Variants in SPON1 observed in about 807,000 individuals in gnomAD.
SPON1 encodes the protein spondin 1, also known as spondin-1.
SPON1 carries 52 observed loss-of-function variants against 111.7 expected under a neutral mutation model. The ratio of observed to expected loss-of-function variants is 0.47; its 90% CI spans 0.37 to 0.59. SPON1 has a LOEUF of 0.59. Ranked by LOEUF, SPON1 falls within the 20% of genes least tolerant of loss-of-function variation. The pLI is 0.00. For missense variants in SPON1, 957 were observed against 1,068.5 expected, an observed-to-expected ratio of 0.90 and a Z score of 1.46; for synonymous variants, 410 against 395.8, an observed-to-expected ratio of 1.04 and a Z score of -0.43.
rs147289598 is a variant in SPON1 at position 13,970,016 on chromosome 11, A to G, written c.238+6874A>G. Among the ~76,000 whole-genome samples, 318 of 152,354 alleles carry G rather than the reference A, an allele frequency of 2.1e-3. 1 individual carries two copies. Among genetic ancestry groups the G allele is most frequent in the South Asian group, 7.0e-3 (34 of 4,828 alleles). The stretch of plus-strand genomic sequence containing the variant: ...CATTGAATGGAGTAGCAAGTGGCCC[A>G]AATCATTTAAAGCATTACATTCTCT... On this transcript the variant is annotated intron_variant, in intron 1 of 15. Coordinates refer to ENST00000576479, the MANE Select transcript of SPON1 (RefSeq NM_006108.4).
Position 14,118,232 on chromosome 11 carries a change from T to A in SPON1, c.677-17188T>A, listed in dbSNP as rs556564534. Among the ~76,000 whole-genome samples the A allele has an allele frequency of 4.6e-5, 7 of 152,358 alleles. No homozygotes were observed. The East Asian group carries it at 1.2e-3, about 25-fold the overall frequency. On this transcript the variant is annotated intron_variant, in intron 5 of 15. Coordinates refer to ENST00000576479, the MANE Select transcript of SPON1 (RefSeq NM_006108.4). ...CATTGCTAGAATTTATCATCTGTAGTGCTACAGTTCCTTCCCTGGGGCTTC... is the reference window on the plus strand; with the variant it reads ...CATTGCTAGAATTTATCATCTGTAGAGCTACAGTTCCTTCCCTGGGGCTTC...
chr11:14,070,782 C>G (rs1554920820), intron 3 of SPON1, among the ~76,000 whole-genome samples: 1 of 152,130 alleles, frequency 6.6e-6, no homozygotes, highest in East Asian at 1.9e-4. Flanking sequence ...CCCCAACAGG[C>G]AGATTCCCTC....
chr11:14,082,798 C>T (rs1848973956), intron 5 of SPON1, among the ~76,000 whole-genome samples: 1 of 152,216 alleles, frequency 6.6e-6, no homozygotes, highest in Non-Finnish European at 1.5e-5. Context: ...AAAGATGATA[C>T]TGTCTTGATA....
rs782102981 is a variant in SPON1, at chr11:14,259,380, C to T, written c.1593C>T (p.Phe531=). The T allele has an allele frequency of 1.2e-6, 2 of 1,612,032 alleles. No individual in the cohort carries two copies. The highest frequency in any genetic ancestry group is 1.7e-6 in the Non-Finnish European group (2 of 1,179,324). The change falls in exon 12 of 16, where the codon TTC becomes TTT. Residue 531 remains phenylalanine, a synonymous_variant. Transcript: ENST00000576479. This position sits in a 1 kb window ranked among gnomAD's most constrained non-coding sequence, Gnocchi z 5.0. ...MRSRERYVKQ[F]PEDGSVCTLP... is the part of the protein sequence containing the mutation. ...CCCGGGAGAGGTATGTGAAGCAGTT[C>T]CCGGAGGACGGCTCCGTGTGCACGC...
At chr11:14,251,422 AT>A (rs534243417) in intron 7 of SPON1, among the ~76,000 whole-genome samples, 87 of 152,310 alleles carry the variant, frequency 5.7e-4, no homozygotes, top group Middle Eastern at 3.4e-3. Flanking sequence ...ACTGAGAATG[AT>A]TTCCACAAGG....
rs1333590159 is a variant in SPON1, at chr11:14,135,307, C to A, written c.677-113C>A. 3.3e-5 allele frequency: 40 copies of A among 1,209,750 alleles called. No individual in the cohort carries two copies. Among genetic ancestry groups the A allele is most frequent in the Non-Finnish European group, 4.1e-5 (35 of 855,914 alleles). 74.9% of individuals were successfully genotyped at this position (1,209,750 alleles called of 1,614,324 possible). Reference sequence around the variant, plus strand: ...CACAGGGCCTAAGACAGAATAGGTGCTTAGTCAGTGCTCTTTGAATCGATG... The same window carrying A: ...CACAGGGCCTAAGACAGAATAGGTGATTAGTCAGTGCTCTTTGAATCGATG... On this transcript the variant is annotated intron_variant, in intron 5 of 15. Transcript: ENST00000576479. The surrounding 1 kb of genome is among the most constrained non-coding windows in gnomAD (Gnocchi z 4.4).
At chr11:14,006,375 AAG>A (rs1848360705) in intron 2 of SPON1, among the ~76,000 whole-genome samples, 1 of 152,140 alleles carries the variant, frequency 6.6e-6, no homozygotes, top group African/African-American at 2.4e-5. Flanking sequence ...TCAACTTAGG[AAG>A]AGAGCTCTCA....
chr11:14,167,844 C>G (rs902388934), intron 6 of SPON1, among the ~76,000 whole-genome samples: 9 of 152,270 alleles, frequency 5.9e-5, no homozygotes, highest in African/African-American at 1.7e-4. Context: ...ATCTTAGCCA[C>G]CTTGTTTATA....
At chr11:13,991,743 A>G (rs1554911236) in intron 2 of SPON1, among the ~76,000 whole-genome samples, 1 of 151,996 alleles carries the variant, frequency 6.6e-6, no homozygotes, top group Non-Finnish European at 1.5e-5. Flanking sequence ...GATGTTGGTG[A>G]CCTTCTGATG....
intron 3 of SPON1, among the ~76,000 whole-genome samples, chr11:14,044,022 G>T (rs2133814916): frequency 6.6e-6 from 1 of 152,192 alleles, no homozygotes; most frequent in South Asian, 2.1e-4. Context: ...CATCTAGCAG[G>T]CTTTGTCTAA....
At chr11:14,134,507 A>T (rs114983939) in intron 5 of SPON1, among the ~76,000 whole-genome samples, 1,837 of 152,304 alleles carry the variant, frequency 0.012, 34 homozygotes, top group African/African-American at 0.042. Context: ...ATCTTCACCA[A>T]ACCACTGTGG....
chr11:14,015,261 G>A (rs1554914187), intron 2 of SPON1, among the ~76,000 whole-genome samples: 1 of 152,214 alleles, frequency 6.6e-6, no homozygotes, highest in Non-Finnish European at 1.5e-5. Context: ...ACAAGATCTA[G>A]GTGCCAGCAA....
At chr11:14,232,085 C>G (rs1218304121) in intron 6 of SPON1, among the ~76,000 whole-genome samples, 4 of 151,486 alleles carry the variant, frequency 2.6e-5, no homozygotes, top group Non-Finnish European at 5.9e-5. Flanking sequence ...TGGTAGAGTT[C>G]TTTCCTGGCC....
chr11:14,132,207 G>A (rs111422437), intron 5 of SPON1, among the ~76,000 whole-genome samples: 12 of 152,202 alleles, frequency 7.9e-5, no homozygotes, highest in African/African-American at 2.9e-4. Context: ...GAACCTGGGA[G>A]GCAGAGGTTG....
intron 5 of SPON1, among the ~76,000 whole-genome samples, chr11:14,104,335 G>T (rs1055231858): frequency 6.8e-6 from 1 of 147,736 alleles, no homozygotes; most frequent in Non-Finnish European, 1.5e-5. Flanking sequence ...TAGTTAATTT[G>T]TTTTTTTTTC....
chr11:14,258,920 G>GGGAA (rs1275251289), intron 11 of SPON1, among the ~76,000 whole-genome samples: 6 of 152,202 alleles, frequency 3.9e-5, no homozygotes, highest in Admixed American at 3.3e-4. Context: ...CCCTTCCACA[G>GGGAA]GGAAGGATTG....
chr11:14,012,557 C>T (rs1279493973), intron 2 of SPON1, among the ~76,000 whole-genome samples: 12 of 152,164 alleles, frequency 7.9e-5, no homozygotes, highest in African/African-American at 2.7e-4. Context: ...TCACATACTG[C>T]AGCCTTCTAA....
intron 3 of SPON1, among the ~76,000 whole-genome samples, chr11:14,045,341 G>A (rs1202886236): frequency 1.3e-5 from 2 of 152,090 alleles, no homozygotes; most frequent in Non-Finnish European, 1.5e-5. Context: ...AGGCCGAGCC[G>A]AGAGGGGGGC....
chr11:14,164,094 T>G (rs1437600339), intron 6 of SPON1, among the ~76,000 whole-genome samples: 1 of 152,128 alleles, frequency 6.6e-6, no homozygotes, highest in Non-Finnish European at 1.5e-5. Flanking sequence ...CTGGCACAAA[T>G]CAGGTTGAGT....
Sources: gnomAD v4.1 joint callset for allele counts (sites outside exome capture counted in the v4.1 genomes callset) on GRCh38, gnomAD v4.1.1 for gene constraint, Gnocchi (gnomAD v3.1) non-coding constraint, MANE v1.5 for transcripts, NCBI Gene and HGNC (gene_info 2026-07-23, HGNC 2026-07-21) for gene names.